Variants in ERBB4 observed in about 807,000 individuals in gnomAD.
ERBB4 encodes the protein receptor tyrosine-protein kinase erbB-4.
Under a neutral mutation model 158.0 loss-of-function variants are expected in ERBB4, and 42 were observed. That is an observed-to-expected ratio of 0.27 (90% confidence interval 0.21 to 0.34). ERBB4 has a LOEUF of 0.34. ERBB4 is among the 10% of genes least tolerant of loss of function. The pLI is 1.00. For synonymous variants in ERBB4, 583 were observed against 558.7 expected, an observed-to-expected ratio of 1.04 and a Z score of -0.61; for missense variants, 1,333 against 1,624.1, an observed-to-expected ratio of 0.82 and a Z score of 3.08.
At position 211,603,890 on chromosome 2, in the gene ERBB4, T is replaced by C. The variant is rs76680100; in HGVS notation, c.2301+15287A>G. 1.6e-3 allele frequency among the ~76,000 whole-genome samples: 245 copies of C among 152,358 alleles called. 2 individuals are homozygous for C. The East Asian group carries it at 0.039, about 24-fold the overall frequency. ...TAAATTTCTAGTTCCAGGTCATTCCTGAGGCATAGCTGTATTCCTGCTATT... is the reference window on the plus strand; with the variant it reads ...TAAATTTCTAGTTCCAGGTCATTCCCGAGGCATAGCTGTATTCCTGCTATT... On this transcript the variant is annotated intron_variant, in intron 19 of 27. Transcript: ENST00000342788.
chr2:211,785,485 T>G (rs1274974091), intron 4 of ERBB4, among the ~76,000 whole-genome samples: 1 of 152,188 alleles, frequency 6.6e-6, no homozygotes, highest in Non-Finnish European at 1.5e-5. Context: ...ATCCACGAAT[T>G]TATTGCTCAA....
At chr2:211,562,199 A>T (rs1373623343) in intron 19 of ERBB4, 111 bp from the exon 20 acceptor site, 15 of 837,060 alleles carry the variant, frequency 1.8e-5, no homozygotes, top group Non-Finnish European at 3.0e-5. Flanking sequence ...CTCTTACTCA[A>T]TGGAATCAAT....
intron 20 of ERBB4, among the ~76,000 whole-genome samples, chr2:211,537,162 C>T (rs756868163): frequency 5.9e-5 from 9 of 151,750 alleles, no homozygotes; most frequent in African/African-American, 9.7e-5. Flanking sequence ...TGTATCCATC[C>T]GTGTTTACTA....
chr2:212,305,899 A>C (rs2086792030), intron 1 of ERBB4, among the ~76,000 whole-genome samples: 1 of 151,434 alleles, frequency 6.6e-6, no homozygotes, highest in Non-Finnish European at 1.5e-5. Flanking sequence ...TATTCTGAGA[A>C]AATATGATTG....
At chr2:212,019,508 A>C (rs2125324690) in intron 2 of ERBB4, among the ~76,000 whole-genome samples, 1 of 152,216 alleles carries the variant, frequency 6.6e-6, no homozygotes, top group Non-Finnish European at 1.5e-5. Flanking sequence ...CTCACCTGTA[A>C]TCCTAGCACT....
At chr2:211,741,134 T>A (rs1444766620) in intron 5 of ERBB4, among the ~76,000 whole-genome samples, 1 of 152,134 alleles carries the variant, frequency 6.6e-6, no homozygotes, top group Non-Finnish European at 1.5e-5. Context: ...CAGAAGCATG[T>A]CACATGTAGG....
chr2:212,303,475 A>G (rs2086696716), intron 1 of ERBB4, among the ~76,000 whole-genome samples: 1 of 151,356 alleles, frequency 6.6e-6, no homozygotes, highest in Admixed American at 6.6e-5. Context: ...GTAAATCCTG[A>G]GAACAGACTC....
chr2:211,969,447 C>CT (rs1040685815), intron 2 of ERBB4, among the ~76,000 whole-genome samples: 8 of 152,008 alleles, frequency 5.3e-5, no homozygotes, highest in African/African-American at 1.9e-4. Context: ...CATATACATA[C>CT]TTTTTTTCTT....
chr2:212,301,216 G>A (rs528510696), intron 1 of ERBB4, among the ~76,000 whole-genome samples: 47 of 149,548 alleles, frequency 3.1e-4, no homozygotes, highest in Non-Finnish European at 5.4e-4. Context: ...CTCTATAACA[G>A]TTATACTCTA....
At position 211,379,526 on chromosome 2, in the gene ERBB4, T is replaced by C; in HGVS notation, c.*4089A>G. ...AATTTTAAATGGCAAACTTATCTTT[T>C]TACTATGCAAAATCCATCCTACATT... On this transcript the variant is annotated 3_prime_UTR_variant, in exon 28 of 28. Coordinates refer to ENST00000342788, the MANE Select transcript of ERBB4 (RefSeq NM_005235.3). 4.3e-6 allele frequency: 1 copy of C among 231,030 alleles called. No homozygotes were observed. The highest frequency in any genetic ancestry group is 6.2e-5 in the East Asian group (1 of 16,248). 14.3% of individuals were successfully genotyped at this position (231,030 alleles called of 1,614,324 possible).
At chr2:212,054,850 T>C (rs1815025) in intron 2 of ERBB4, among the ~76,000 whole-genome samples, 151,196 of 152,300 alleles carry the variant, frequency 0.99, 75,059 homozygotes, top group Middle Eastern at 1. Context: ...AGGAACAGCT[T>C]GAGTCTACAG....
At chr2:211,592,156 A>G (rs2068488144) in intron 19 of ERBB4, among the ~76,000 whole-genome samples, 2 of 150,832 alleles carry the variant, frequency 1.3e-5, no homozygotes, top group African/African-American at 4.9e-5. Flanking sequence ...GGGCTTTAAG[A>G]CTATTACAAG....
intron 1 of ERBB4, among the ~76,000 whole-genome samples, chr2:212,310,607 A>ATG (rs1164216429): frequency 6.2e-5 from 5 of 80,310 alleles, no homozygotes; most frequent in Admixed American, 5.9e-4. Context: ...ATATATATGT[A>ATG]TATGTGTGTG....
intron 20 of ERBB4, among the ~76,000 whole-genome samples, chr2:211,523,860 G>A (rs1041206036): frequency 6.6e-6 from 1 of 152,062 alleles, no homozygotes; most frequent in Admixed American, 6.5e-5. Context: ...CCCCACCCAC[G>A]TCCTGCTGAT....
At chr2:212,175,031 C>T (rs1334050534) in intron 1 of ERBB4, among the ~76,000 whole-genome samples, 7 of 151,998 alleles carry the variant, frequency 4.6e-5, no homozygotes, top group African/African-American at 1.2e-4. Context: ...TTTCCTCTGC[C>T]GTTTCTTTCA....
chr2:211,604,634 G>A (rs1013041038), intron 19 of ERBB4, among the ~76,000 whole-genome samples: 1 of 152,180 alleles, frequency 6.6e-6, no homozygotes, highest in Non-Finnish European at 1.5e-5. Flanking sequence ...CTAGGATCAT[G>A]CTTCAAAGAA....
chr2:211,946,232 T>G (rs1425832216), intron 3 of ERBB4, among the ~76,000 whole-genome samples: 1 of 152,046 alleles, frequency 6.6e-6, no homozygotes, highest in Non-Finnish European at 1.5e-5. Context: ...TCAGTATTCC[T>G]TTCTTCACCC....
At chr2:211,508,754 C>T (rs1489113479) in intron 20 of ERBB4, among the ~76,000 whole-genome samples, 2 of 151,988 alleles carry the variant, frequency 1.3e-5, no homozygotes, top group African/African-American at 4.8e-5. Flanking sequence ...TGGAGCCAAC[C>T]CAAACGCCCA....
At chr2:212,392,636 T>C (rs2090911164) in intron 1 of ERBB4, among the ~76,000 whole-genome samples, 1 of 152,098 alleles carries the variant, frequency 6.6e-6, no homozygotes, top group Non-Finnish European at 1.5e-5. Context: ...ATTAAGCTAA[T>C]CTAAAATAGC....
Sources: gnomAD v4.1 joint callset for allele counts (sites outside exome capture counted in the v4.1 genomes callset) on GRCh38, gnomAD v4.1.1 for gene constraint, MANE v1.5 for transcripts, NCBI Gene and HGNC (gene_info 2026-07-23, HGNC 2026-07-21) for gene names.